Variants in ARHGAP32 observed in about 807,000 individuals in gnomAD.
ARHGAP32 encodes rho GTPase-activating protein 32.
ARHGAP32 carries 51 observed loss-of-function variants against 186.5 expected under a neutral mutation model. The ratio of observed to expected loss-of-function variants is 0.27; its 90% CI spans 0.22 to 0.35. The LOEUF (loss-of-function observed/expected upper bound fraction) is 0.35, where lower values mean the gene tolerates loss of function less well. Ranked by LOEUF, ARHGAP32 falls within the 10% of genes least tolerant of loss-of-function variation. The pLI, the probability that ARHGAP32 is intolerant of heterozygous loss-of-function variation, is 1.00. For synonymous variants in ARHGAP32, 950 were observed against 964.3 expected, an observed-to-expected ratio of 0.99 and a Z score of 0.27; for missense variants, 2,186 against 2,623.5, an observed-to-expected ratio of 0.83 and a Z score of 3.64.
Position 129,055,934 on chromosome 11 carries a change from A to G in ARHGAP32, c.963+6346T>C, listed in dbSNP as rs540374563. 2.0e-5 allele frequency among the ~76,000 whole-genome samples: 3 copies of G among 152,352 alleles called. No individual in the cohort carries two copies. The East Asian group carries it at 5.8e-4, about 29-fold the overall frequency. ...AATGGACTTTAGTTAATAATAGTAT[A>G]TCAATATTGATTCATTAATTATAAC... On this transcript the variant is annotated intron_variant, in intron 10 of 22. Transcript: ENST00000682385.
chr11:129,065,064 C>A, intron 7 of ARHGAP32, 131 bp from the exon 8 acceptor site: 1 of 669,314 alleles, frequency 1.5e-6, no homozygotes. Context: ...GGACTCTTCA[C>A]AGAAACTTAC....
At chr11:129,199,770 G>A (rs1309670462) in intron 1 of ARHGAP32, among the ~76,000 whole-genome samples, 2 of 152,152 alleles carry the variant, frequency 1.3e-5, no homozygotes, top group Non-Finnish European at 2.9e-5. Context: ...TGTGAGAAGA[G>A]GACCACCGTC....
chr11:129,014,437 A>G (rs761755628), intron 11 of ARHGAP32, among the ~76,000 whole-genome samples: 3 of 152,170 alleles, frequency 2.0e-5, no homozygotes, highest in East Asian at 1.9e-4. Context: ...TACTTTCTCT[A>G]AAGTTCTAGG....
rs1006118549 is a variant in ARHGAP32 at position 128,968,391 on chromosome 11, C to A, written c.*516G>T. ...ATCAGGGATTTTTCCACGACTCTAA[C>A]TGAACACAAGATCCTTCTCAGACGG... On this transcript the variant is annotated 3_prime_UTR_variant, in exon 23 of 23. Coordinates refer to ENST00000682385, the MANE Select transcript of ARHGAP32 (RefSeq NM_001378024.1). The A allele has an allele frequency of 6.6e-6, 1 of 152,352 alleles. No homozygotes were observed. Among genetic ancestry groups the A allele is most frequent in the South Asian group, 2.1e-4 (1 of 4,820 alleles). The allele number at this position is 152,352 out of a possible 1,614,324, so 9.4% of individuals were successfully genotyped here.
chr11:129,098,449 T>C (rs1941795390), intron 5 of ARHGAP32, among the ~76,000 whole-genome samples: 1 of 151,738 alleles, frequency 6.6e-6, no homozygotes, highest in African/African-American at 2.4e-5. Context: ...GACGGAGTCT[T>C]GCTCCATCTC....
intron 6 of ARHGAP32, among the ~76,000 whole-genome samples, chr11:129,074,890 T>G (rs1183139988): frequency 1.3e-5 from 2 of 152,166 alleles, no homozygotes; most frequent in African/African-American, 4.8e-5. Context: ...GAATTGATCA[T>G]AAGTGTTCTC....
rs748794563 is a variant in ARHGAP32, at chr11:128,974,560, G to C, written c.2637C>G (p.Phe879Leu). ...CAGTTGGGCTCAAGTCCAGGGTAAA[G>C]AATGGACTCAGTTTCTCCTGAAGAG... ...VSPLQEKLSP[F>L]FTLDLSPTED... The change falls in exon 21 of 23, where the codon TTC becomes TTG. Residue 879 changes from phenylalanine to leucine, a missense_variant. Coordinates refer to ENST00000682385, the MANE Select transcript of ARHGAP32 (RefSeq NM_001378024.1). The C allele has an allele frequency of 1.9e-6, 3 of 1,614,176 alleles. No individual in the cohort carries two copies. The highest frequency in any genetic ancestry group is 2.5e-6 in the Non-Finnish European group (3 of 1,180,012).
chr11:129,252,889 C>T (rs145312856), intron 1 of ARHGAP32, among the ~76,000 whole-genome samples: 22 of 152,280 alleles, frequency 1.4e-4, no homozygotes, highest in African/African-American at 5.3e-4. Context: ...ACTAGGGAAT[C>T]CCCACCTAGA....
rs374184591 is a variant in ARHGAP32 at position 129,139,816 on chromosome 11, A to G, written c.226-14922T>C. Reference sequence around the variant, plus strand: ...GAATATGTCTTTATCAGCAGCATGAAAACAAACTAATATATCAATGTTATC... The same window carrying G: ...GAATATGTCTTTATCAGCAGCATGAGAACAAACTAATATATCAATGTTATC... On this transcript the variant is annotated intron_variant, in intron 2 of 22. Coordinates refer to ENST00000682385, the MANE Select transcript of ARHGAP32 (RefSeq NM_001378024.1). Among the ~76,000 whole-genome samples the G allele has an allele frequency of 9.2e-5, 14 of 152,308 alleles. No individual in the cohort carries two copies. The South Asian group carries it at 1.0e-3, about 11-fold the overall frequency.
chr11:129,192,142 C>G lies in ARHGAP32; in HGVS notation c.57G>C (p.Glu19Asp). ...CAGTCACCTGGATTATAACTTCAGA[C>G]TCCAACCAGAAGACACTGTCATCCC... ...TLGDDSVFWL[E>D]SEVIIQVTDC... Residue 19 changes from glutamate to aspartate, a missense_variant, in exon 1 of 23, where the codon GAG (glutamate) becomes GAC (aspartate). Physicochemically the swap from Glu to Asp is conservative, Grantham distance 45 (BLOSUM62 2). Coordinates refer to ENST00000682385, the MANE Select transcript of ARHGAP32 (RefSeq NM_001378024.1). The G allele has an allele frequency of 1.2e-6, 2 of 1,613,918 alleles. No individual in the cohort carries two copies. The highest frequency in any genetic ancestry group is 1.7e-6 in the Non-Finnish European group (2 of 1,179,848).
chr11:129,116,784 C>G (rs1263053157), intron 5 of ARHGAP32, among the ~76,000 whole-genome samples: 2 of 151,934 alleles, frequency 1.3e-5, no homozygotes, highest in East Asian at 3.9e-4. Context: ...ACAACACTGT[C>G]CTTGGGTCAT....
chr11:129,138,183 T>C (rs1158070656), intron 2 of ARHGAP32, among the ~76,000 whole-genome samples: 1 of 151,560 alleles, frequency 6.6e-6, no homozygotes. Flanking sequence ...CAAAATTCAA[T>C]TATATAAGTA....
chr11:129,204,043 A>G (rs1419450413), intron 1 of ARHGAP32, among the ~76,000 whole-genome samples: 2 of 148,388 alleles, frequency 1.3e-5, no homozygotes, highest in Admixed American at 6.7e-5. Context: ...ATAATTTATA[A>G]AAATAAAATA....
intron 2 of ARHGAP32, among the ~76,000 whole-genome samples, chr11:129,126,875 T>C (rs907655770): frequency 1.3e-5 from 2 of 152,212 alleles, no homozygotes; most frequent in Non-Finnish European, 2.9e-5. Context: ...CAATACTCTT[T>C]CATCTTTTAT....
intron 10 of ARHGAP32, among the ~76,000 whole-genome samples, chr11:129,061,781 G>A (rs1438851398): frequency 1.3e-5 from 2 of 152,018 alleles, no homozygotes; most frequent in East Asian, 3.9e-4. Context: ...GTTAACCTCA[G>A]GTAACTGAAA....
chr11:129,264,370 A>G (rs996193201), intron 1 of ARHGAP32, among the ~76,000 whole-genome samples: 1 of 152,220 alleles, frequency 6.6e-6, no homozygotes, highest in East Asian at 1.9e-4. Flanking sequence ...AAAATGGCTA[A>G]GATAGCGAAT....
chr11:129,084,754 T>C (rs561875980), intron 6 of ARHGAP32, among the ~76,000 whole-genome samples: 2 of 152,218 alleles, frequency 1.3e-5, no homozygotes, highest in Admixed American at 1.3e-4. Context: ...AACAAAGCAA[T>C]GATGTTCTGT....
At chr11:129,017,711 A>C (rs948867372) in intron 11 of ARHGAP32, among the ~76,000 whole-genome samples, 15 of 152,050 alleles carry the variant, frequency 9.9e-5, no homozygotes, top group Admixed American at 5.9e-4. Flanking sequence ...TTCCCTTCCA[A>C]TCCTTTTAAT....
intron 1 of ARHGAP32, among the ~76,000 whole-genome samples, chr11:129,216,404 G>A (rs1279022287): frequency 2.0e-5 from 3 of 151,726 alleles, no homozygotes; most frequent in Non-Finnish European, 4.4e-5. Flanking sequence ...ATTTAAGGCC[G>A]GTGGCAGTGG....
Sources: allele counts gnomAD v4.1 joint callset (sites outside exome capture counted in the v4.1 genomes callset), GRCh38; gene constraint gnomAD v4.1.1; transcripts MANE v1.5; gene names NCBI Gene and HGNC (gene_info 2026-07-23, HGNC 2026-07-21).